The following ROS1 variants were observed in gnomAD, a reference collection of about 807,000 sequenced individuals.
The protein encoded by ROS1 is proto-oncogene tyrosine-protein kinase ROS.
In ROS1, 263 loss-of-function variants were observed where a neutral mutation model predicts 273.5. The ratio of observed to expected loss-of-function variants is 0.96; its 90% confidence interval spans 0.87 to 1.06. The LOEUF is 1.06. ROS1 is among the 50% of genes least tolerant of loss of function. ROS1 has a pLI of 0.00. For missense variants in ROS1, 2,833 were observed against 2,751.1 expected, an observed-to-expected ratio of 1.03 and a Z score of -0.67; for synonymous variants, 1,008 against 954.1, an observed-to-expected ratio of 1.06 and a Z score of -1.04.
At chr6:117,298,433 C>A (rs2128532372) in intron 43 of ROS1, among the ~76,000 whole-genome samples, 1 of 152,270 alleles carries the variant, frequency 6.6e-6, no homozygotes. Context: ...TGTCTATATT[C>A]AATTCAACCC....
At chr6:117,376,148 G>A (rs1213707593) in intron 18 of ROS1, among the ~76,000 whole-genome samples, 1 of 151,960 alleles carries the variant, frequency 6.6e-6, no homozygotes, top group African/African-American at 2.4e-5. Context: ...ACTTTTAGCA[G>A]GAGTGATCAA....
chr6:117,404,626 C>T (rs2273603), intron 5 of ROS1, among the ~76,000 whole-genome samples, 198 bp from the exon 6 acceptor site: 9,006 of 152,164 alleles, frequency 0.059, 321 homozygotes, highest in Middle Eastern at 0.089. Context: ...GTCTTTTTTC[C>T]ACAGAATTTA....
chr6:117,328,092 C>T (rs757414271), intron 33 of ROS1, among the ~76,000 whole-genome samples: 1 of 152,140 alleles, frequency 6.6e-6, no homozygotes, highest in Non-Finnish European at 1.5e-5. Flanking sequence ...TGTGGCAACC[C>T]TTGGAAACTA....
chr6:117,370,262 C>T (rs1744799891), intron 18 of ROS1, among the ~76,000 whole-genome samples: 1 of 152,144 alleles, frequency 6.6e-6, no homozygotes, highest in African/African-American at 2.4e-5. Context: ...TCCTCAATTG[C>T]AGAGCACTGA....
At chr6:117,372,812 G>T (rs1243070456) in intron 18 of ROS1, among the ~76,000 whole-genome samples, 1 of 152,188 alleles carries the variant, frequency 6.6e-6, no homozygotes, top group Non-Finnish European at 1.5e-5. Flanking sequence ...AAGAGCAAAA[G>T]AACAAAGCTT....
intron 5 of ROS1, 52 bp from the exon 6 acceptor site, chr6:117,404,480 A>G: frequency 1.3e-6 from 2 of 1,564,556 alleles, no homozygotes; most frequent in Non-Finnish European, 1.7e-6. Context: ...CATCAGCGCA[A>G]GAGAGTGTGT....
At chr6:117,333,786 C>T (rs1777267646) in intron 32 of ROS1, among the ~76,000 whole-genome samples, 1 of 152,062 alleles carries the variant, frequency 6.6e-6, no homozygotes, top group Non-Finnish European at 1.5e-5. Context: ...TAAAATTCAA[C>T]ATCAACATCC....
Position 117,326,333 on chromosome 6 carries a change from T to C in ROS1, c.5430A>G (p.Thr1810=), listed in dbSNP as rs1383381324. The C allele has an allele frequency of 8.7e-6, 14 of 1,602,980 alleles. No individual in the cohort carries two copies. Among genetic ancestry groups the C allele is most frequent in the Non-Finnish European group, 1.2e-5 (14 of 1,176,182 alleles). The part of the protein sequence containing the change: ...TFNGSCSSVC[T]WKSKNLKGIF... The stretch of plus-strand genomic sequence containing the variant: ...TTCCTTTCAGGTTTTTGGACTTCCA[T>C]GTGCAAACACTACTGCAGGATCCAT... Residue 1810 remains threonine (T), a synonymous_variant, in exon 34 of 44, where the codon ACA becomes ACG. Transcript: ENST00000368507.
rs749723171 is a variant in ROS1 at position 117,353,174 on chromosome 6, TA to T, written c.4127-9del. 12 of 1,591,980 alleles carry T rather than the reference TA, an allele frequency of 7.5e-6. No individual in the cohort carries two copies. Among genetic ancestry groups the T allele is most frequent in the Non-Finnish European group, 1.0e-5 (12 of 1,168,424 alleles). ...AGCTAACAAGGGTTTTTCCTGCTGT[TA>T]AAAACATAAGGAATATAAAGAACAA... is the stretch of plus-strand genomic sequence containing the variant. On this transcript the variant is annotated splice_polypyrimidine_tract_variant and intron_variant, in intron 26 of 43. Coordinates refer to ENST00000368507, the MANE Select transcript of ROS1 (RefSeq NM_001378902.1).
chr6:117,378,536 T>G (rs1336008918), intron 18 of ROS1, among the ~76,000 whole-genome samples: 1 of 152,170 alleles, frequency 6.6e-6, no homozygotes, highest in Non-Finnish European at 1.5e-5. Context: ...ACACTTAAGA[T>G]CTGAATATTT....
At chr6:117,398,678 CAAA>C (rs58864302) in intron 7 of ROS1, among the ~76,000 whole-genome samples, 10 of 59,414 alleles carry the variant, frequency 1.7e-4, no homozygotes, top group Admixed American at 5.8e-4. Context: ...GACCTTGTCT[CAAA>C]AAAAAAAAAA....
chr6:117,392,088 T>TTGTGTAAG (rs1330769696), intron 12 of ROS1, among the ~76,000 whole-genome samples: 1 of 152,192 alleles, frequency 6.6e-6, no homozygotes, highest in Non-Finnish European at 1.5e-5. Flanking sequence ...ATGAGTCATT[T>TTGTGTAAG]TGTGTAAGTG....
intron 42 of ROS1, 140 bp from the exon 43 acceptor site, chr6:117,301,277 G>T: frequency 1.5e-6 from 1 of 654,222 alleles, no homozygotes. Context: ...CAAAACAAAG[G>T]CTTTGATTTC....
At chr6:117,414,482 T>C in intron 4 of ROS1, 37 bp downstream of exon 4, 1 of 742,292 alleles carries the variant, frequency 1.3e-6, no homozygotes. Flanking sequence ...TGAAGACATG[T>C]GGCTTGATTA....
rs77831724 is a variant in ROS1 at position 117,313,273 on chromosome 6, C to T, written c.6118-2156G>A. 2.7e-3 allele frequency among the ~76,000 whole-genome samples: 409 copies of T among 152,106 alleles called. 2 individuals are homozygous for T. The highest frequency in any genetic ancestry group is 9.0e-3 in the African/African-American group (374 of 41,506). On this transcript the variant is annotated intron_variant, in intron 39 of 43. Transcript: ENST00000368507. Reference sequence around the variant, plus strand: ...TTCTATCTTAATACAATCCTTTTAACAAAAGTTAAGGCTAGGTGTGGTATC... The same window carrying T: ...TTCTATCTTAATACAATCCTTTTAATAAAAGTTAAGGCTAGGTGTGGTATC...
intron 7 of ROS1, among the ~76,000 whole-genome samples, chr6:117,397,426 G>A (rs1258271553): frequency 6.6e-6 from 1 of 152,146 alleles, no homozygotes; most frequent in Non-Finnish European, 1.5e-5. Context: ...AGACTTAAAT[G>A]AGTTGAAACA....
chr6:117,421,239 A>G (rs926666519), intron 1 of ROS1, among the ~76,000 whole-genome samples: 1 of 113,542 alleles, frequency 8.8e-6, no homozygotes, highest in African/African-American at 3.4e-5. Context: ...TTATATTGCA[A>G]TATATATATA....
intron 17 of ROS1, among the ~76,000 whole-genome samples, chr6:117,380,272 G>A (rs1469126890): frequency 6.6e-6 from 1 of 151,996 alleles, no homozygotes; most frequent in African/African-American, 2.4e-5. Flanking sequence ...ACTACAATAA[G>A]GTATCCAAGA....
intron 7 of ROS1, among the ~76,000 whole-genome samples, chr6:117,398,593 C>T (rs1362731020): frequency 6.6e-6 from 1 of 150,716 alleles, no homozygotes; most frequent in Non-Finnish European, 1.5e-5. Context: ...GCACAAGAAT[C>T]ACTTGAACCC....
Sources: allele counts gnomAD v4.1 joint callset (sites outside exome capture counted in the v4.1 genomes callset), GRCh38; gene constraint gnomAD v4.1.1; transcripts MANE v1.5; gene names NCBI Gene and HGNC (gene_info 2026-07-23, HGNC 2026-07-21).